The following CSMD1 variants were observed in gnomAD, a reference collection of about 807,000 sequenced individuals.
CSMD1 encodes CUB and sushi domain-containing protein 1.
A neutral mutation model predicts 417.5 loss-of-function variants in CSMD1; 213 were observed. The ratio of observed to expected loss-of-function variants is 0.51; its 90% CI spans 0.46 to 0.57. The LOEUF is 0.57. Ranked by LOEUF, CSMD1 falls within the 20% of genes least tolerant of loss-of-function variation. The probability of loss-of-function intolerance (pLI) is 0.00; values close to 1 mark genes in which losing one functional copy is unlikely to be tolerated. For missense variants in CSMD1, 6,923 were observed against 4,529.7 expected (o/e 1.53, Z -15.17); for synonymous variants, 2,862 against 1,736.8 (o/e 1.65, Z -16.11).
At chr8:4,916,613 G>C (rs1283501343) in intron 1 of CSMD1, among the ~76,000 whole-genome samples, 1 of 152,152 alleles carries the variant, frequency 6.6e-6, no homozygotes, top group South Asian at 2.1e-4. Context: ...CATCCTACTT[G>C]GGGAAACTCT....
chr8:3,712,966 G>T (rs1295645079), intron 6 of CSMD1, among the ~76,000 whole-genome samples: 1 of 152,128 alleles, frequency 6.6e-6, no homozygotes, highest in Admixed American at 6.5e-5. Context: ...TGTATTGTGT[G>T]CTTCAAAGGT....
chr8:4,586,343 G>C (rs960394321), intron 2 of CSMD1, among the ~76,000 whole-genome samples: 7 of 152,152 alleles, frequency 4.6e-5, no homozygotes, highest in African/African-American at 1.4e-4. Flanking sequence ...TGCTTGTGTA[G>C]AGATAGATTT....
At chr8:3,593,538 C>G (rs1438044320) in intron 8 of CSMD1, among the ~76,000 whole-genome samples, 3 of 152,144 alleles carry the variant, frequency 2.0e-5, no homozygotes, top group Admixed American at 2.0e-4. Flanking sequence ...CCTTAACGTC[C>G]TTGAGAGAGA....
At chr8:4,509,795 C>T (rs1056128939) in intron 2 of CSMD1, among the ~76,000 whole-genome samples, 1 of 152,188 alleles carries the variant, frequency 6.6e-6, no homozygotes, top group Non-Finnish European at 1.5e-5. Context: ...TTACCACCCC[C>T]ATGACAGATA....
chr8:4,202,944 T>C (rs977475678), intron 3 of CSMD1, among the ~76,000 whole-genome samples: 2 of 152,084 alleles, frequency 1.3e-5, no homozygotes, highest in African/African-American at 4.8e-5. Context: ...CCTTATCTCT[T>C]TTTGCAGTTG....
chr8:3,028,620 T>G (rs989503031), intron 51 of CSMD1, among the ~76,000 whole-genome samples: 1 of 152,254 alleles, frequency 6.6e-6, no homozygotes, highest in African/African-American at 2.4e-5. Flanking sequence ...CTATTAAAAG[T>G]TGAATTAAAA....
At chr8:4,434,047 G>T (rs1267869353) in intron 2 of CSMD1, among the ~76,000 whole-genome samples, 1 of 152,088 alleles carries the variant, frequency 6.6e-6, no homozygotes, top group South Asian at 2.1e-4. Flanking sequence ...TTAAATATCT[G>T]GATCTAGGGG....
At chr8:3,686,926 T>A (rs2624081) in intron 7 of CSMD1, among the ~76,000 whole-genome samples, 23,652 of 152,214 alleles carry the variant, frequency 0.16, 1,959 homozygotes, top group African/African-American at 0.22. Flanking sequence ...TAGAGCTTTG[T>A]CTCCCCTACA....
At chr8:4,190,034 A>G (rs1324083279) in intron 3 of CSMD1, among the ~76,000 whole-genome samples, 5 of 151,968 alleles carry the variant, frequency 3.3e-5, no homozygotes, top group African/African-American at 9.7e-5. Flanking sequence ...CAAGGCAGGT[A>G]GAACACGAGG....
chr8:4,991,659 G>C (rs1811472910), intron 1 of CSMD1, among the ~76,000 whole-genome samples: 1 of 152,114 alleles, frequency 6.6e-6, no homozygotes, highest in East Asian at 1.9e-4. Flanking sequence ...CCTGGAGCGC[G>C]CTGCCGAGCC....
intron 3 of CSMD1, among the ~76,000 whole-genome samples, chr8:4,282,015 G>T (rs569291534): frequency 5.3e-5 from 8 of 152,168 alleles, no homozygotes; most frequent in African/African-American, 7.2e-5. Flanking sequence ...ATGTTCTCTT[G>T]AGATGTGATT....
intron 3 of CSMD1, among the ~76,000 whole-genome samples, chr8:4,364,992 T>A (rs777034281): frequency 2.6e-5 from 4 of 152,080 alleles, no homozygotes; most frequent in Non-Finnish European, 5.9e-5. Flanking sequence ...TCGAAAACAT[T>A]TATATTCTAA....
At chr8:4,722,416 G>C (rs185620404) in intron 1 of CSMD1, among the ~76,000 whole-genome samples, 3 of 152,118 alleles carry the variant, frequency 2.0e-5, no homozygotes, top group Non-Finnish European at 4.4e-5. Context: ...TCTTGACCGA[G>C]TGAAAAGTGA....
intron 3 of CSMD1, among the ~76,000 whole-genome samples, chr8:4,145,514 T>A (rs945285476): frequency 6.6e-6 from 1 of 151,006 alleles, no homozygotes; most frequent in Non-Finnish European, 1.5e-5. Context: ...CCCTCAAACA[T>A]TGTCATCTTG....
chr8:3,420,464 C>T (rs556107862), intron 12 of CSMD1, among the ~76,000 whole-genome samples: 1 of 148,992 alleles, frequency 6.7e-6, no homozygotes, highest in South Asian at 2.1e-4. Flanking sequence ...TAAAATACGA[C>T]CTTCAGTTAA....
At chr8:3,698,759 A>C (rs1331371743) in intron 7 of CSMD1, among the ~76,000 whole-genome samples, 1 of 152,256 alleles carries the variant, frequency 6.6e-6, no homozygotes, top group African/African-American at 2.4e-5. Flanking sequence ...ACTGAAGATT[A>C]TCCATATGCG....
At chr8:3,600,472 T>C (rs112876193) in intron 8 of CSMD1, among the ~76,000 whole-genome samples, 29 of 152,184 alleles carry the variant, frequency 1.9e-4, no homozygotes, top group African/African-American at 6.5e-4. Context: ...ATCAGAATCA[T>C]TCAGGGTTGA....
At chr8:3,813,364 G>C (rs896712680) in intron 5 of CSMD1, among the ~76,000 whole-genome samples, 1 of 152,120 alleles carries the variant, frequency 6.6e-6, no homozygotes, top group African/African-American at 2.4e-5. Flanking sequence ...GCAATGATGT[G>C]AAGTAAATAA....
intron 6 of CSMD1, among the ~76,000 whole-genome samples, chr8:3,734,519 T>A (rs934241994): frequency 1.9e-4 from 29 of 152,142 alleles, no homozygotes; most frequent in African/African-American, 6.8e-4. Flanking sequence ...AAGACCAACC[T>A]AACCAACTTG....
Sources: gnomAD v4.1 joint callset for allele counts (sites outside exome capture counted in the v4.1 genomes callset) on GRCh38, gnomAD v4.1.1 for gene constraint, MANE v1.5 for transcripts, NCBI Gene and HGNC (gene_info 2026-07-23, HGNC 2026-07-21) for gene names.